The following CLEC16A variants were observed in gnomAD, a reference collection of about 807,000 sequenced individuals.
CLEC16A encodes the protein C-type lectin domain containing 16A.
CLEC16A carries 51 observed loss-of-function variants against 109.5 expected under a neutral mutation model. The ratio of observed to expected loss-of-function variants is 0.47; its 90% confidence interval spans 0.37 to 0.59. CLEC16A has a LOEUF of 0.59. Ranked by LOEUF, CLEC16A falls within the 20% of genes least tolerant of loss-of-function variation. CLEC16A has a pLI of 0.00. For missense variants in CLEC16A, 1,339 were observed against 1,394.0 expected, an observed-to-expected ratio of 0.96 and a Z score of 0.63; for synonymous variants, 673 against 564.2, an observed-to-expected ratio of 1.19 and a Z score of -2.73.
At chr16:11,044,122 CAGA>C in intron 16 of CLEC16A, 50 bp downstream of exon 16, 3 of 1,516,316 alleles carry the variant, frequency 2.0e-6, no homozygotes, top group Non-Finnish European at 2.7e-6. Context: ...ATTGTAGAAA[CAGA>C]AGTGTGGTGT....
At chr16:11,115,502 A>G (rs879656921) in intron 19 of CLEC16A, among the ~76,000 whole-genome samples, 11 of 152,066 alleles carry the variant, frequency 7.2e-5, no homozygotes, top group Admixed American at 7.2e-4. Context: ...CCTCCTGAGT[A>G]GCTGGGACTA....
At chr16:11,100,116 A>C (rs997151002) in intron 19 of CLEC16A, among the ~76,000 whole-genome samples, 3 of 152,140 alleles carry the variant, frequency 2.0e-5, no homozygotes, top group African/African-American at 7.2e-5. Context: ...AAAAAAATTC[A>C]ATCCATGGCT....
intron 11 of CLEC16A, among the ~76,000 whole-genome samples, chr16:11,018,181 C>A (rs926702615): frequency 6.6e-6 from 1 of 151,422 alleles, no homozygotes; most frequent in Non-Finnish European, 1.5e-5. Flanking sequence ...CTGGCATGTA[C>A]CTGTGTTCCT....
chr16:11,164,733 GACCGTGGCT>G (rs1206451630), intron 22 of CLEC16A, among the ~76,000 whole-genome samples: 3 of 152,272 alleles, frequency 2.0e-5, no homozygotes, highest in African/African-American at 7.2e-5. Context: ...GTAAACAAAG[GACCGTGGCT>G]TGTTCCAGTA....
At chr16:11,124,885 G>C (rs943526622) in intron 21 of CLEC16A, among the ~76,000 whole-genome samples, 1 of 152,098 alleles carries the variant, frequency 6.6e-6, no homozygotes, top group African/African-American at 2.4e-5. Flanking sequence ...CCAGGAATTC[G>C]AGGCCAGCCT....
rs2041896127 is a variant in CLEC16A at position 10,954,523 on chromosome 16, C to T, written c.81-3259C>T. 6.6e-6 allele frequency among the ~76,000 whole-genome samples: 1 copy of T among 152,152 alleles called. No homozygotes were observed. Among genetic ancestry groups the T allele is most frequent in the African/African-American group, 2.4e-5 (1 of 41,426 alleles). On this transcript the variant is annotated intron_variant, in intron 1 of 23. Transcript: ENST00000409790. This position sits in a 1 kb window ranked among gnomAD's most constrained non-coding sequence, Gnocchi z 4.2. ...AGTTATCTGTTATCTCCCAACACCA[C>T]CAAAATAGGTAGATACTAAAGTATT...
At position 11,179,344 on chromosome 16, in the gene CLEC16A, T is replaced by G. The variant is rs1230723436; in HGVS notation, c.*654T>G. 1 of 152,208 alleles carries G rather than the reference T, an allele frequency of 6.6e-6. No homozygotes were observed. The highest frequency in any genetic ancestry group is 1.9e-4 in the East Asian group (1 of 5,204). The allele number at this position is 152,208 out of a possible 1,614,324, so 9.4% of individuals were successfully genotyped here. ...ATTTATTTAAGTGATTCTTTGTTAC[T>G]CACTAACTCTGCAAGCCTGTGGAAT... On this transcript the variant is annotated 3_prime_UTR_variant, in exon 24 of 24. Transcript: ENST00000409790.
In CLEC16A at chr16:10,962,411, A is replaced by C; in HGVS notation, c.210-44A>C. On this transcript the variant is annotated intron_variant, in intron 2 of 23. Transcript: ENST00000409790. ...AAACCAGATAATAATTTCTGTTTCC[A>C]CATGTGGAAGCAAGCCACTGATGCT... The C allele has an allele frequency of 3.1e-6, 5 of 1,612,604 alleles. No individual in the cohort carries two copies. The South Asian group carries it at 5.5e-5, about 18-fold the overall frequency.
At chr16:10,948,013 C>T (rs2041493889) in intron 1 of CLEC16A, among the ~76,000 whole-genome samples, 1 of 152,138 alleles carries the variant, frequency 6.6e-6, no homozygotes, top group African/African-American at 2.4e-5. Flanking sequence ...CCTGCCTCAG[C>T]CTCCAGAGTA....
At chr16:11,084,680 A>G (rs746465824) in intron 19 of CLEC16A, among the ~76,000 whole-genome samples, 1 of 152,204 alleles carries the variant, frequency 6.6e-6, no homozygotes, top group Non-Finnish European at 1.5e-5. Flanking sequence ...CGCCGGCTAT[A>G]TGAGTCATCT....
rs754479882 is a variant in CLEC16A, at chr16:11,060,985, G to A, written c.2079G>A (p.Glu693=). Residue 693 remains glutamate, a synonymous_variant, in exon 19 of 24, where the codon GAG becomes GAA. Transcript: ENST00000409790. ...AGACACAGTTGCCGCTGACTCGGGAGGAGGACCTGATCAAGACTGATGATG... is the reference window on the plus strand; with the variant it reads ...AGACACAGTTGCCGCTGACTCGGGAAGAGGACCTGATCAAGACTGATGATG... The part of the protein sequence containing the change: ...EPETQLPLTR[E]EDLIKTDDVL... 3.0e-5 allele frequency: 48 copies of A among 1,612,020 alleles called. No homozygotes were observed. The highest frequency in any genetic ancestry group is 4.0e-5 in the Non-Finnish European group (47 of 1,179,506).
intron 19 of CLEC16A, among the ~76,000 whole-genome samples, chr16:11,075,412 CTG>C (rs375261875): frequency 8.0e-4 from 96 of 120,548 alleles, no homozygotes; most frequent in African/African-American, 2.2e-3. Flanking sequence ...GTGTGTGTGT[CTG>C]TGTGTGTGTG....
At chr16:11,168,933 G>T (rs114735048) in intron 23 of CLEC16A, among the ~76,000 whole-genome samples, 204 of 152,290 alleles carry the variant, frequency 1.3e-3, no homozygotes, top group African/African-American at 4.6e-3. Flanking sequence ...TGCGTGGCTC[G>T]CTCACCCAAC....
At chr16:11,068,782 G>C (rs1209956051) in intron 19 of CLEC16A, among the ~76,000 whole-genome samples, 20 of 152,136 alleles carry the variant, frequency 1.3e-4, no homozygotes. Flanking sequence ...ACCAACCACA[G>C]ATTGAAAACA....
intron 11 of CLEC16A, 60 bp from the exon 12 acceptor site, chr16:11,020,133 G>C: frequency 1.3e-6 from 2 of 1,543,262 alleles, no homozygotes; most frequent in Non-Finnish European, 1.8e-6. Context: ...ATGAGCATGT[G>C]TATAAATCTA....
intron 19 of CLEC16A, among the ~76,000 whole-genome samples, chr16:11,093,909 G>A (rs546654240): frequency 6.6e-6 from 1 of 152,184 alleles, no homozygotes; most frequent in Non-Finnish European, 1.5e-5. Context: ...AGAGGACAGT[G>A]ACCCAAGCCA....
At chr16:11,000,644 C>T (rs531412644) in intron 10 of CLEC16A, among the ~76,000 whole-genome samples, 1 of 152,150 alleles carries the variant, frequency 6.6e-6, no homozygotes, top group African/African-American at 2.4e-5. Flanking sequence ...TGGGGGCCCT[C>T]GGTTATTGGC....
chr16:11,019,643 C>G (rs764664724), intron 11 of CLEC16A, among the ~76,000 whole-genome samples: 2 of 152,116 alleles, frequency 1.3e-5, no homozygotes, highest in Non-Finnish European at 2.9e-5. Flanking sequence ...GTGGCAAGCG[C>G]CTGTAATCCC....
At chr16:11,133,089 C>A (rs1235287161) in intron 22 of CLEC16A, among the ~76,000 whole-genome samples, 1 of 152,142 alleles carries the variant, frequency 6.6e-6, no homozygotes, top group Non-Finnish European at 1.5e-5. Context: ...CTCCAGCTGT[C>A]TTGTGGTAGA....
Sources: allele counts gnomAD v4.1 joint callset (sites outside exome capture counted in the v4.1 genomes callset), GRCh38; gene constraint gnomAD v4.1.1; non-coding constraint Gnocchi (gnomAD v3.1); transcripts MANE v1.5; gene names NCBI Gene and HGNC (gene_info 2026-07-23, HGNC 2026-07-21).